NAALADL2: variants seen among roughly 807,000 people sequenced by gnomAD.
The protein encoded by NAALADL2 is inactive N-acetylated-alpha-linked acidic dipeptidase-like protein 2.
Under a neutral mutation model 87.2 loss-of-function variants are expected in NAALADL2, and 76 were observed. The observed-to-expected ratio is 0.87, with a 90% confidence interval of 0.72 to 1.05. NAALADL2 has a LOEUF of 1.05. NAALADL2 is among the 50% of genes least tolerant of loss of function. The pLI is 0.00. For synonymous variants in NAALADL2, 354 were observed against 331.0 expected, an observed-to-expected ratio of 1.07 and a Z score of -0.75; for missense variants, 1,089 against 945.8, an observed-to-expected ratio of 1.15 and a Z score of -1.99.
intron 2 of NAALADL2, among the ~76,000 whole-genome samples, chr3:175,143,811 C>T (rs1446851927): frequency 3.3e-5 from 5 of 151,858 alleles, no homozygotes; most frequent in Non-Finnish European, 5.9e-5. Flanking sequence ...ATGGTTACCT[C>T]CTTACGCAAT....
At position 175,608,632 on chromosome 3, in the gene NAALADL2, C is replaced by T. The variant is rs116058296; in HGVS notation, c.1801-18659C>T. 6.0e-3 allele frequency among the ~76,000 whole-genome samples: 915 copies of T among 151,990 alleles called. 6 individuals carry two copies. The highest frequency in any genetic ancestry group is 0.021 in the African/African-American group (855 of 41,460). On this transcript the variant is annotated intron_variant, in intron 10 of 13. Coordinates refer to ENST00000454872, the MANE Select transcript of NAALADL2 (RefSeq NM_207015.3). Reference sequence around the variant, plus strand: ...ATCCTTTAAACATTGTTATAACGATCGTGTAGGAGTTATGAAATTTGGGAA... The same window carrying T: ...ATCCTTTAAACATTGTTATAACGATTGTGTAGGAGTTATGAAATTTGGGAA...
intron 2 of NAALADL2, among the ~76,000 whole-genome samples, chr3:175,128,373 T>C (rs2108610772): frequency 6.6e-6 from 1 of 152,310 alleles, no homozygotes; most frequent in East Asian, 1.9e-4. Flanking sequence ...ACATTTGTAA[T>C]AAATGATTTA....
chr3:174,487,751 G>T (rs1209145793), intron 1 of NAALADL2, among the ~76,000 whole-genome samples: 2 of 151,312 alleles, frequency 1.3e-5, no homozygotes, highest in East Asian at 3.9e-4. Context: ...GCAGGTAGAC[G>T]TGTCTATGCT....
intron 1 of NAALADL2, among the ~76,000 whole-genome samples, chr3:174,898,141 A>AAAAAAAAAAAAAAAG (rs1731833716): frequency 7.5e-6 from 1 of 132,488 alleles, no homozygotes; most frequent in Non-Finnish European, 1.5e-5. Flanking sequence ...AAAAAAAAAA[A>AAAAAAAAAAAAAAAG]AAGAAAAAAA....
intron 2 of NAALADL2, among the ~76,000 whole-genome samples, chr3:175,103,224 A>C (rs1460015990): frequency 6.6e-6 from 1 of 152,166 alleles, no homozygotes; most frequent in Non-Finnish European, 1.5e-5. Context: ...ATTACTTAAT[A>C]TAATACATTG....
chr3:175,224,754 T>A (rs1360658621), intron 2 of NAALADL2, among the ~76,000 whole-genome samples: 1 of 152,224 alleles, frequency 6.6e-6, no homozygotes, highest in African/African-American at 2.4e-5. Flanking sequence ...TCTTCATGTA[T>A]ACAATAGAGA....
At chr3:175,324,768 A>T (rs373310080) in intron 5 of NAALADL2, among the ~76,000 whole-genome samples, 1 of 152,214 alleles carries the variant, frequency 6.6e-6, no homozygotes, top group African/African-American at 2.4e-5. Context: ...TAGTAAGAAA[A>T]GATGCTGTAG....
intron 10 of NAALADL2, among the ~76,000 whole-genome samples, chr3:175,599,713 A>G (rs1400695874): frequency 6.6e-6 from 1 of 152,198 alleles, no homozygotes; most frequent in African/African-American, 2.4e-5. Context: ...GGTAGAACAT[A>G]TATAGCTTTA....
At chr3:175,718,654 C>A in intron 11 of NAALADL2, 1 of 1,581,718 alleles carries the variant, frequency 6.3e-7, no homozygotes, top group Non-Finnish European at 8.7e-7. Context: ...CTCCCGAGCC[C>A]GTGGTGGCTG....
intron 2 of NAALADL2, among the ~76,000 whole-genome samples, chr3:174,721,032 A>G (rs1731665278): frequency 6.6e-6 from 1 of 152,216 alleles, no homozygotes; most frequent in Non-Finnish European, 1.5e-5. Flanking sequence ...AACCAGACAT[A>G]CTGATAGAGA....
intron 5 of NAALADL2, among the ~76,000 whole-genome samples, chr3:175,401,828 A>T (rs1276685337): frequency 1.3e-5 from 2 of 152,122 alleles, no homozygotes; most frequent in Non-Finnish European, 2.9e-5. Flanking sequence ...ACCTGGAGTG[A>T]AATACATCGC....
intron 2 of NAALADL2, among the ~76,000 whole-genome samples, chr3:174,625,051 C>CTT (rs1721416020): frequency 8.7e-5 from 7 of 80,432 alleles, no homozygotes; most frequent in Middle Eastern, 5.0e-3. Flanking sequence ...CTATCTCTCT[C>CTT]TCTCTCTTTT....
upstream of NAALADL2, among the ~76,000 whole-genome samples, chr3:174,856,283 G>A (rs1412597334): frequency 6.6e-6 from 1 of 152,136 alleles, no homozygotes; most frequent in African/African-American, 2.4e-5. Context: ...TGGGATTACA[G>A]TCGTGAGCTC....
rs954587906 is a variant in NAALADL2, at chr3:175,362,704, G to A, written c.1090+38379G>A. Among the ~76,000 whole-genome samples the A allele has an allele frequency of 6.8e-5, 10 of 148,020 alleles. 1 individual carries two copies. The highest frequency in any genetic ancestry group is 1.5e-4 in the Non-Finnish European group (10 of 66,516). On this transcript the variant is annotated intron_variant, in intron 5 of 13. Coordinates refer to ENST00000454872, the MANE Select transcript of NAALADL2 (RefSeq NM_207015.3). ...TTCCTATGGGTAGATACCCAGTGGT[G>A]GGATTGTTGGATCAAATGATAGTTC...
At chr3:175,319,084 C>G (rs995159244) in intron 4 of NAALADL2, among the ~76,000 whole-genome samples, 1 of 152,240 alleles carries the variant, frequency 6.6e-6, no homozygotes, top group South Asian at 2.1e-4. Context: ...CTCCCTCCCC[C>G]ACATGGGTGG....
rs1713088021 is a variant in NAALADL2 at position 175,545,165 on chromosome 3, C to A, written c.1654-30876C>A. On this transcript the variant is annotated intron_variant, in intron 9 of 13. Transcript: ENST00000454872. ...AAAAGAAACAAGATCAGAGGTCTTA[C>A]ATGACTTATATGATCTCACTCAACT... Among the ~76,000 whole-genome samples, 4 of 152,126 alleles carry A rather than the reference C, an allele frequency of 2.6e-5. No individual in the cohort carries two copies. The South Asian group carries it at 8.3e-4, about 31-fold the overall frequency.
intron 10 of NAALADL2, among the ~76,000 whole-genome samples, chr3:175,593,964 T>C (rs916903756): frequency 4.1e-5 from 6 of 146,854 alleles, no homozygotes; most frequent in Non-Finnish European, 9.0e-5. Flanking sequence ...GGTTTCTTAC[T>C]TGATCATGTT....
intron 1 of NAALADL2, among the ~76,000 whole-genome samples, chr3:175,003,039 T>TA (rs1432044738): frequency 1.3e-5 from 2 of 152,198 alleles, no homozygotes; most frequent in Admixed American, 1.3e-4. Flanking sequence ...ACATTTGTAT[T>TA]AGTCACCAGT....
At chr3:175,146,951 T>A (rs1730838650) in intron 2 of NAALADL2, among the ~76,000 whole-genome samples, 1 of 152,204 alleles carries the variant, frequency 6.6e-6, no homozygotes, top group South Asian at 2.1e-4. Flanking sequence ...AATGGCTAAA[T>A]TTTAATATAG....
Sources: allele counts gnomAD v4.1 joint callset (sites outside exome capture counted in the v4.1 genomes callset), GRCh38; gene constraint gnomAD v4.1.1; transcripts MANE v1.5; gene names NCBI Gene and HGNC (gene_info 2026-07-23, HGNC 2026-07-21).